Variants in UROC1 observed in about 807,000 individuals in gnomAD.
UROC1 encodes the protein urocanate hydratase.
UROC1 carries 79 observed loss-of-function variants against 89.5 expected under a neutral mutation model. The observed-to-expected ratio is 0.88, with a 90% CI of 0.74 to 1.06. The LOEUF is 1.06. Among genes scored for constraint, UROC1 ranks in the 50% least tolerant of loss-of-function variants. The pLI, the probability that UROC1 is intolerant of heterozygous loss-of-function variation, is 0.00. For missense variants in UROC1, 885 were observed against 907.8 expected (o/e 0.97, Z 0.32); for synonymous variants, 361 against 354.8 (o/e 1.02, Z -0.20).
Position 126,501,457 on chromosome 3 carries a change from G to GT in UROC1, c.903-178dup, listed in dbSNP as rs1284953407. ...GCATGCCTGCAGGACCCCGACTTTTGTCCAGGACACAAAACTATAAAGGGA... is the reference window on the plus strand; with the variant it reads ...GCATGCCTGCAGGACCCCGACTTTTGTTCCAGGACACAAAACTATAAAGGGA... On this transcript the variant is annotated intron_variant, in intron 9 of 19. Transcript: ENST00000290868. The GT allele has an allele frequency of 2.6e-5, 19 of 742,032 alleles. No individual in the cohort carries two copies. The East Asian group carries it at 5.1e-4, about 20-fold the overall frequency. The allele number at this position is 742,032 out of a possible 1,614,324, so 46.0% of individuals were successfully genotyped here. A position where few individuals can be genotyped will look rare whatever the true frequency, so the allele number is the denominator to read the frequency against.
chr3:126,499,978 G>A, intron 12 of UROC1, 79 bp downstream of exon 12: 1 of 1,379,374 alleles, frequency 7.2e-7, no homozygotes, highest in Non-Finnish European at 1.0e-6. Context: ...CGAGTGAGGT[G>A]GGAGCCAGTG....
intron 16 of UROC1, among the ~76,000 whole-genome samples, chr3:126,490,373 G>A (rs568410818): frequency 6.6e-6 from 1 of 152,266 alleles, no homozygotes; most frequent in African/African-American, 2.4e-5. Flanking sequence ...CTTATGCTGT[G>A]CATGGGCAGG....
chr3:126,495,352 CTA>C (rs1228163303), intron 15 of UROC1, among the ~76,000 whole-genome samples: 5 of 152,228 alleles, frequency 3.3e-5, no homozygotes, highest in Non-Finnish European at 5.9e-5. Flanking sequence ...CTTTCTGTCT[CTA>C]TGAATTTGAC....
Position 126,500,796 on chromosome 3 carries a change from G to GT in UROC1, c.1043dup (p.Asn348LysfsTer131). The GT allele has an allele frequency of 6.2e-7, 1 of 1,614,070 alleles. No individual in the cohort carries two copies. The highest frequency in any genetic ancestry group is 8.5e-7 in the Non-Finnish European group (1 of 1,180,026). ...CAGGGTAGTAGCCGCCATTGAACGG[G>GT]TTGTGGCAGGATGTCTGATCTGACC... is the stretch of plus-strand genomic sequence containing the variant. On this transcript the variant is annotated frameshift_variant, in exon 11 of 20. Transcript: ENST00000290868. LOFTEE classifies it high-confidence loss of function.
At chr3:126,501,859 A>AG in intron 9 of UROC1, 1 of 1,599,458 alleles carries the variant, frequency 6.3e-7, no homozygotes. Flanking sequence ...CAGGGGTGCA[A>AG]GGTTGACAAA....
intron 18 of UROC1, among the ~76,000 whole-genome samples, chr3:126,487,085 G>T (rs1480306375): frequency 6.6e-6 from 1 of 152,204 alleles, no homozygotes; most frequent in Non-Finnish European, 1.5e-5. Flanking sequence ...GGGGAGGCCT[G>T]CCCTCAGGGC....
chr3:126,505,971 G>T lies in UROC1; in HGVS notation c.643C>A (p.Pro215Thr). ...ACAGTGCCATGAACGATTCCCTGGG[G>T]ACCGATGTAGCAGTAGCTACCTGCT... ...MTAGSYCYIG[P>T]QGIVHGTVLT... The change falls in exon 7 of 20, where the codon CCC becomes ACC. Residue 215 changes from proline (P) to threonine (T), a missense_variant. Physicochemically the swap from Pro to Thr is conservative, Grantham distance 38. Transcript: ENST00000290868. The T allele has an allele frequency of 3.1e-6, 5 of 1,613,550 alleles. No individual in the cohort carries two copies. Among genetic ancestry groups the T allele is most frequent in the Non-Finnish European group, 4.2e-6 (5 of 1,180,010 alleles).
In UROC1 at chr3:126,500,009, G is replaced by T. The variant is rs778576190; in HGVS notation, c.1243+48C>A. 6.4e-6 allele frequency: 10 copies of T among 1,570,678 alleles called. No homozygotes were observed. The Middle Eastern group carries it at 5.0e-4, about 79-fold the overall frequency. On this transcript the variant is annotated intron_variant, in intron 12 of 19. Coordinates refer to ENST00000290868, the MANE Select transcript of UROC1 (RefSeq NM_144639.3). ...CAGTGGCACTGGCCTGAGAGGCTGG[G>T]CCCAGGGTGGTGGCCCCTCCCTCCT...
At position 126,500,723 on chromosome 3, in the gene UROC1, C is replaced by T. The variant is rs201344106; in HGVS notation, c.1117G>A (p.Ala373Thr). Residue 373 changes from alanine to threonine, a missense_variant, in exon 11 of 20, where the codon GCT becomes ACT. Ala to Thr is a moderately conservative substitution (Grantham distance 58). Transcript: ENST00000290868. ...TCCTGGACCAGGTCCTTGAACACAG[C>T]AGGGTTGGAGGCCATGAGGCTCTGG... ...EAQSLMASNPAVFKDLVQESL... is the reference protein window; with the variant it reads ...EAQSLMASNPTVFKDLVQESL... 12 of 1,614,012 alleles carry T rather than the reference C, an allele frequency of 7.4e-6. No homozygotes were observed. The highest frequency in any genetic ancestry group is 1.7e-6 in the Non-Finnish European group (2 of 1,180,056).
At position 126,499,389 on chromosome 3, in the gene UROC1, C is replaced by G. The variant is rs1296936864; in HGVS notation, c.1264G>C (p.Gly422Arg). Residue 422 changes from glycine (G) to arginine (R), a missense_variant, in exon 13 of 20, where the codon GGT (glycine) becomes CGT (arginine). Physicochemically the swap from Gly to Arg is moderately radical, Grantham distance 125. Transcript: ENST00000290868. ...QRAGADVEKKGAGRTEFRYPS... is the reference protein window; with the variant it reads ...QRAGADVEKKRAGRTEFRYPS... ...TAGCGGAACTCTGTCCTGCCAGCAC[C>G]TTTCTTCTCCACATCCGCTCCTGTG... 1 of 1,612,834 alleles carries G rather than the reference C, an allele frequency of 6.2e-7. No individual in the cohort carries two copies. The highest frequency in any genetic ancestry group is 2.2e-5 in the East Asian group (1 of 44,866).
At chr3:126,499,267 A>G (rs1195778526) in intron 13 of UROC1, 70 bp downstream of exon 13, 8 of 1,545,854 alleles carry the variant, frequency 5.2e-6, no homozygotes, top group Non-Finnish European at 7.1e-6. Context: ...CTAAATACCC[A>G]GGACGCAGAC....
chr3:126,482,138 G>T lies in UROC1; in HGVS notation c.*207C>A. 1.5e-6 allele frequency: 1 copy of T among 686,166 alleles called. No individual in the cohort carries two copies. Among genetic ancestry groups the T allele is most frequent in the Non-Finnish European group, 2.4e-6 (1 of 414,572 alleles). The allele number at this position is 686,166 out of a possible 1,614,324, so 42.5% of individuals were successfully genotyped here. On this transcript the variant is annotated 3_prime_UTR_variant, in exon 20 of 20. Transcript: ENST00000290868. Reference sequence around the variant, plus strand: ...GCTCCCATGCAAGTGGCATGGTTGTGGACAGAGAGCTGCATGTCTCTGGGC... The same window carrying T: ...GCTCCCATGCAAGTGGCATGGTTGTTGACAGAGAGCTGCATGTCTCTGGGC...
intron 17 of UROC1, 114 bp downstream of exon 17, chr3:126,489,162 C>T (rs959460324): frequency 8.6e-6 from 9 of 1,050,110 alleles, no homozygotes; most frequent in Non-Finnish European, 1.2e-5. Flanking sequence ...CACTCTATGC[C>T]GAGCCTCTCA....
chr3:126,482,602 C>T, intron 19 of UROC1, 117 bp from the exon 20 acceptor site: 2 of 1,492,280 alleles, frequency 1.3e-6, no homozygotes, highest in Non-Finnish European at 1.9e-6. Context: ...TCCGTGGGGA[C>T]AGCTGCCCTT....
intron 15 of UROC1, 134 bp from the exon 16 acceptor site, chr3:126,492,650 G>A (rs1935682225): frequency 8.2e-6 from 6 of 728,050 alleles, no homozygotes; most frequent in East Asian, 2.7e-5. Flanking sequence ...ACAAGGTCCA[G>A]GAGGACCCCC....
intron 9 of UROC1, chr3:126,502,017 G>C (rs898388343): frequency 4.8e-6 from 7 of 1,462,534 alleles, no homozygotes; most frequent in African/African-American, 4.2e-5. Flanking sequence ...TTGCGGAAGT[G>C]TGGCAGACAG....
rs1441025518 is a variant in UROC1 at position 126,499,413 on chromosome 3, T to G, written c.1244-4A>C. 5.6e-6 allele frequency: 9 copies of G among 1,611,146 alleles called. No individual in the cohort carries two copies. The East Asian group carries it at 1.8e-4, about 32-fold the overall frequency. ...CCTTTCTTCTCCACATCCGCTCCTG[T>G]GGGCAGAGCCCGGACAGTCACCACC... On this transcript the variant is annotated splice_polypyrimidine_tract_variant and splice_region_variant and intron_variant, in intron 12 of 19. Coordinates refer to ENST00000290868, the MANE Select transcript of UROC1 (RefSeq NM_144639.3).
intron 9 of UROC1, chr3:126,501,849 C>T (rs747162226): frequency 1.9e-6 from 3 of 1,599,478 alleles, no homozygotes; most frequent in South Asian, 1.1e-5. Context: ...TCCCCTCCCC[C>T]AGGGGTGCAA....
At position 126,503,975 on chromosome 3, in the gene UROC1, A is replaced by G; in HGVS notation, c.902+20T>C. ...CACGTGTCAGGTGTCAGGTGTCCGG[A>G]GTTGAGCTTGGAGCTGTACCTGAGC... On this transcript the variant is annotated intron_variant, in intron 9 of 19. Coordinates refer to ENST00000290868, the MANE Select transcript of UROC1 (RefSeq NM_144639.3). 6.2e-7 allele frequency: 1 copy of G among 1,613,742 alleles called. No homozygotes were observed. The highest frequency in any genetic ancestry group is 8.5e-7 in the Non-Finnish European group (1 of 1,179,886).
Sources: allele counts gnomAD v4.1 joint callset (sites outside exome capture counted in the v4.1 genomes callset), GRCh38; gene constraint gnomAD v4.1.1; transcripts MANE v1.5; gene names NCBI Gene and HGNC (gene_info 2026-07-23, HGNC 2026-07-21).